HS1BP3: variants seen among roughly 807,000 people sequenced by gnomAD.
HS1BP3 encodes the protein HCLS1-binding protein 3.
A neutral mutation model predicts 33.5 loss-of-function variants in HS1BP3; 32 were observed. The observed-to-expected ratio is 0.95, with a 90% CI of 0.72 to 1.28. The LOEUF (loss-of-function observed/expected upper bound fraction) is 1.28. Ranked by LOEUF, HS1BP3 falls within the 50% of genes most tolerant of loss-of-function variation. HS1BP3 has a pLI of 0.00. For missense variants in HS1BP3, 486 were observed against 502.3 expected, an observed-to-expected ratio of 0.97 and a Z score of 0.31; for synonymous variants, 187 against 209.2, an observed-to-expected ratio of 0.89 and a Z score of 0.92.
At chr2:20,623,715 C>T (rs1694676154) in intron 6 of HS1BP3, 181 bp downstream of exon 6, 1 of 618,470 alleles carries the variant, frequency 1.6e-6, no homozygotes, top group Non-Finnish European at 2.6e-6. Context: ...GCTGCGGATC[C>T]TCCCCCTCAG....
the HS1BP3 span, among the ~76,000 whole-genome samples, chr2:20,554,015 G>C: frequency 1.3e-5 from 2 of 152,176 alleles, no homozygotes; most frequent in Non-Finnish European, 2.9e-5. Context: ...GCATTTTAGT[G>C]CCTGGCCCCG....
chr2:20,554,491 G>C, the HS1BP3 span, among the ~76,000 whole-genome samples: 2 of 152,194 alleles, frequency 1.3e-5, no homozygotes, highest in Admixed American at 6.5e-5. Context: ...GGGAGGCCGA[G>C]GCCGGCGGAT....
chr2:20,568,127 AG>A (rs1693180144), intron 5 of HS1BP3, among the ~76,000 whole-genome samples: 1 of 152,172 alleles, frequency 6.6e-6, no homozygotes, highest in South Asian at 2.1e-4. Flanking sequence ...CCCTATACTC[AG>A]GGCCATTCTA....
downstream of HS1BP3, among the ~76,000 whole-genome samples, chr2:20,615,709 G>A (rs759119002): frequency 3.3e-5 from 5 of 152,216 alleles, no homozygotes; most frequent in Admixed American, 6.5e-5. Context: ...GCCTGACACC[G>A]GGTATTAAAT....
intron 2 of HS1BP3, among the ~76,000 whole-genome samples, chr2:20,605,760 C>T (rs1558331547): frequency 6.6e-6 from 1 of 152,206 alleles, no homozygotes; most frequent in Admixed American, 6.5e-5. Flanking sequence ...TGTGTCAGCA[C>T]TTCTTGTACT....
At chr2:20,608,208 T>C (rs1018604206) in intron 2 of HS1BP3, among the ~76,000 whole-genome samples, 7 of 152,198 alleles carry the variant, frequency 4.6e-5, no homozygotes, top group Admixed American at 1.3e-4. Flanking sequence ...CTGCTTATTT[T>C]ACTATCTAGA....
intron 3 of HS1BP3, among the ~76,000 whole-genome samples, chr2:20,593,006 A>G (rs1259811534): frequency 6.6e-6 from 1 of 152,156 alleles, no homozygotes; most frequent in East Asian, 1.9e-4. Context: ...CTGTGCTTCA[A>G]GGCCCTTCAG....
At chr2:20,586,957 C>A (rs929053484) in intron 5 of HS1BP3, among the ~76,000 whole-genome samples, 3 of 152,134 alleles carry the variant, frequency 2.0e-5, no homozygotes, top group Non-Finnish European at 4.4e-5. Flanking sequence ...AACACCAGCC[C>A]TCTCAAACCT....
chr2:20,571,787 A>T (rs1693281033), intron 5 of HS1BP3, among the ~76,000 whole-genome samples: 2 of 152,136 alleles, frequency 1.3e-5, no homozygotes, highest in Non-Finnish European at 2.9e-5. Flanking sequence ...ACCTGCTCAC[A>T]TCAGGTGCCA....
intron 2 of HS1BP3, among the ~76,000 whole-genome samples, chr2:20,600,366 G>A (rs574783084): frequency 6.6e-6 from 1 of 152,252 alleles, no homozygotes; most frequent in Admixed American, 6.5e-5. Context: ...CCCTGTTCTC[G>A]TTAAACCACA....
intron 4 of HS1BP3, among the ~76,000 whole-genome samples, chr2:20,629,335 C>G (rs1694899128): frequency 6.6e-6 from 1 of 152,222 alleles, no homozygotes; most frequent in Admixed American, 6.5e-5. Context: ...CCTATATCAG[C>G]ATCCACCCAG....
At chr2:20,560,947 C>T (rs957568930) in intron 5 of HS1BP3, among the ~76,000 whole-genome samples, 11 of 152,056 alleles carry the variant, frequency 7.2e-5, no homozygotes, top group Non-Finnish European at 1.0e-4. Context: ...CTGAGAATGA[C>T]CCTGGGGCAA....
At chr2:20,554,661 G>A in the HS1BP3 span, among the ~76,000 whole-genome samples, 6 of 147,398 alleles carry the variant, frequency 4.1e-5, no homozygotes, top group Non-Finnish European at 8.9e-5. Flanking sequence ...GGCGGAGGTT[G>A]CAATTGCACT....
At chr2:20,601,767 C>CTTTTT (rs1317083474) in intron 2 of HS1BP3, among the ~76,000 whole-genome samples, 1 of 63,682 alleles carries the variant, frequency 1.6e-5, no homozygotes, top group African/African-American at 4.6e-5. Flanking sequence ...TCAAGTGTGT[C>CTTTTT]TTCTTTTTTT....
chr2:20,579,957 G>A (rs1693493235), intron 5 of HS1BP3, among the ~76,000 whole-genome samples: 1 of 152,256 alleles, frequency 6.6e-6, no homozygotes, highest in South Asian at 2.1e-4. Flanking sequence ...TCTTCCTCCT[G>A]CCTTTAAAAT....
At chr2:20,648,327 A>G (rs73239105) in intron 1 of HS1BP3, among the ~76,000 whole-genome samples, 3,498 of 151,852 alleles carry the variant, frequency 0.023, 57 homozygotes, top group South Asian at 0.049. Flanking sequence ...TTGATCTTGA[A>G]CCCTTTCCAG....
At chr2:20,641,302 G>T in intron 2 of HS1BP3, 122 bp from the exon 3 acceptor site, 1 of 765,976 alleles carries the variant, frequency 1.3e-6, no homozygotes, top group Non-Finnish European at 2.2e-6. Context: ...ACGCCCGCCT[G>T]CTGCCCCTCT....
intron 5 of HS1BP3, among the ~76,000 whole-genome samples, chr2:20,576,478 C>T (rs1039002216): frequency 4.6e-5 from 7 of 152,228 alleles, no homozygotes; most frequent in Admixed American, 3.9e-4. Flanking sequence ...GTCTTATCTC[C>T]TCTCTGGCCT....
At chr2:20,586,994 G>C (rs1219557945) in intron 5 of HS1BP3, among the ~76,000 whole-genome samples, 1 of 152,088 alleles carries the variant, frequency 6.6e-6, no homozygotes. Context: ...ATCAGTCAGG[G>C]GCAACTCTTT....
Sources: allele counts gnomAD v4.1 joint callset (sites outside exome capture counted in the v4.1 genomes callset), GRCh38; gene constraint gnomAD v4.1.1; transcripts MANE v1.5; gene names NCBI Gene and HGNC (gene_info 2026-07-23, HGNC 2026-07-21).